The following ST6GALNAC6 variants were observed in gnomAD, a reference collection of about 807,000 sequenced individuals.
ST6GALNAC6 encodes the protein ST6 N-acetylgalactosaminide alpha-2,6-sialyltransferase 6.
In ST6GALNAC6, 19 loss-of-function variants were observed where a neutral mutation model predicts 34.3. That is an observed-to-expected ratio of 0.55 (90% CI 0.39 to 0.81). The LOEUF is 0.81. Among genes scored for constraint, ST6GALNAC6 ranks in the 40% least tolerant of loss-of-function variants. ST6GALNAC6 has a pLI of 0.00. For missense variants in ST6GALNAC6, 377 were observed against 467.7 expected, an observed-to-expected ratio of 0.81 and a Z score of 1.79; for synonymous variants, 185 against 182.1, an observed-to-expected ratio of 1.02 and a Z score of -0.13.
rs1336953074 is a variant in ST6GALNAC6, at chr9:127,885,871, C to T, written c.*728G>A. The T allele has an allele frequency of 6.6e-6, 1 of 152,262 alleles. No individual in the cohort carries two copies. The allele number at this position is 152,262 out of a possible 1,614,324, so 9.4% of individuals were successfully genotyped here. ...GGAGGTGGGGAGGTCACCCCAGACC[C>T]CCCAAAGAGCTGAGCCTTCCAGCAA... On this transcript the variant is annotated 3_prime_UTR_variant, in exon 7 of 7. Transcript: ENST00000373146.
intron 5 of ST6GALNAC6, among the ~76,000 whole-genome samples, chr9:127,889,697 C>T (rs1445782436): frequency 6.6e-6 from 1 of 152,106 alleles, no homozygotes; most frequent in Non-Finnish European, 1.5e-5. Flanking sequence ...TCCACTTCGG[C>T]CTCCCAAAGT....
rs59314952 is a variant in ST6GALNAC6 at position 127,896,886 on chromosome 9, T to G, written c.27-554A>C. On this transcript the variant is annotated intron_variant, in intron 2 of 6. Coordinates refer to ENST00000373146, the MANE Select transcript of ST6GALNAC6 (RefSeq NM_013443.5). ...TGCGGGATACAGCCCACCCAGGTCC[T>G]CACTCAGTTTCCCTGTGCCTCCACA... is the stretch of plus-strand genomic sequence containing the variant. 1,583 of 985,264 alleles carry G rather than the reference T, an allele frequency of 1.6e-3. 25 individuals carry two copies. In the African/African-American group the frequency reaches 0.026, roughly 16 times the overall value. 61.0% of individuals were successfully genotyped at this position (985,264 alleles called of 1,614,324 possible). A position where few individuals can be genotyped will look rare whatever the true frequency, so the allele number is the denominator to read the frequency against.
At position 127,886,730 on chromosome 9, in the gene ST6GALNAC6, C is replaced by A; in HGVS notation, c.871G>T (p.Glu291Ter). ...TCATTCTGGATGTAGGTGACACATT[C>A]GTCCGGCCCCTTGGGCTCGTAGTAG... ...YHYYEPKGPDECVTYIQNEHS... is the reference protein window; with the variant it reads ...YHYYEPKGPD The change falls in exon 7 of 7, where the codon GAA becomes TAA. Residue 291 changes from glutamate (E) to a stop codon, truncating the protein, a stop_gained. Coordinates refer to ENST00000373146, the MANE Select transcript of ST6GALNAC6 (RefSeq NM_013443.5). LOFTEE classifies it high-confidence loss of function. 1 of 1,613,724 alleles carries A rather than the reference C, an allele frequency of 6.2e-7. No homozygotes were observed. The highest frequency in any genetic ancestry group is 8.5e-7 in the Non-Finnish European group (1 of 1,179,716).
chr9:127,900,067 C>T (rs1830695451), upstream of ST6GALNAC6, among the ~76,000 whole-genome samples: 1 of 152,254 alleles, frequency 6.6e-6, no homozygotes, highest in African/African-American at 2.4e-5. Context: ...CATAACTTCC[C>T]TTCTCCCTGC....
chr9:127,891,949 C>G (rs1023951050), intron 4 of ST6GALNAC6, among the ~76,000 whole-genome samples: 4 of 151,888 alleles, frequency 2.6e-5, no homozygotes, highest in African/African-American at 9.7e-5. Flanking sequence ...CTCAGGAGTT[C>G]GAGACCAGCC....
chr9:127,889,365 TCTC>T (rs1829997405), intron 5 of ST6GALNAC6, among the ~76,000 whole-genome samples: 1 of 138,878 alleles, frequency 7.2e-6, no homozygotes, highest in African/African-American at 2.7e-5. Flanking sequence ...AAAAAAAAAA[TCTC>T]CTAGAACCAA....
At chr9:127,888,030 T>C (rs1829888924) in intron 5 of ST6GALNAC6, among the ~76,000 whole-genome samples, 1 of 152,186 alleles carries the variant, frequency 6.6e-6, no homozygotes, top group East Asian at 1.9e-4. Context: ...CCAAGAGCTG[T>C]GCTCACACTA....
Position 127,886,211 on chromosome 9 carries a change from C to G in ST6GALNAC6, c.*388G>C. The G allele has an allele frequency of 2.9e-6, 1 of 339,414 alleles. No individual in the cohort carries two copies. The highest frequency in any genetic ancestry group is 5.3e-6 in the Non-Finnish European group (1 of 189,064). 21.0% of individuals were successfully genotyped at this position (339,414 alleles called of 1,614,324 possible). Reference sequence around the variant, plus strand: ...TGAGGGGGCAACACCAAGTTCCCAGCTCCTTGGGACAGGACCCCATTATCC... The same window carrying G: ...TGAGGGGGCAACACCAAGTTCCCAGGTCCTTGGGACAGGACCCCATTATCC... On this transcript the variant is annotated 3_prime_UTR_variant, in exon 7 of 7. Transcript: ENST00000373146.
chr9:127,905,423 G>A, upstream of ST6GALNAC6: 1 of 985,568 alleles, frequency 1.0e-6, no homozygotes, highest in Non-Finnish European at 1.2e-6. Context: ...CCACCCGAGG[G>A]TAGGGCCAGG....
intron 2 of ST6GALNAC6, chr9:127,897,361 C>T (rs1830529584): frequency 1.0e-6 from 1 of 986,034 alleles, no homozygotes. Context: ...TTCTCTGAGC[C>T]CTTTGACCTA....
chr9:127,893,393 C>T (rs1830262904), intron 4 of ST6GALNAC6, among the ~76,000 whole-genome samples: 1 of 152,174 alleles, frequency 6.6e-6, no homozygotes, highest in Admixed American at 6.5e-5. Flanking sequence ...GTGTGAAAGC[C>T]ACTCTGGGCT....
chr9:127,904,344 G>C (rs1830856512), upstream of ST6GALNAC6: 1 of 152,382 alleles, frequency 6.6e-6, no homozygotes, highest in Non-Finnish European at 1.5e-5. Flanking sequence ...GCCAGTCCTC[G>C]TGGGCCTCCC....
intron 5 of ST6GALNAC6, among the ~76,000 whole-genome samples, chr9:127,889,694 C>A (rs752692372): frequency 1.3e-5 from 2 of 152,116 alleles, no homozygotes; most frequent in Non-Finnish European, 2.9e-5. Context: ...CCGTCCACTT[C>A]GGCCTCCCAA....
At chr9:127,893,574 C>G (rs954498657) in intron 4 of ST6GALNAC6, among the ~76,000 whole-genome samples, 1 of 152,206 alleles carries the variant, frequency 6.6e-6, no homozygotes, top group Non-Finnish European at 1.5e-5. Context: ...CCACGTACCT[C>G]GACTGGCACT....
At chr9:127,887,024 G>A (rs1003267131) in intron 6 of ST6GALNAC6, among the ~76,000 whole-genome samples, 1 of 151,744 alleles carries the variant, frequency 6.6e-6, no homozygotes, top group African/African-American at 2.4e-5. Flanking sequence ...CGGCAGTGTG[G>A]AGCAGTGGTG....
At chr9:127,898,103 C>T in intron 1 of ST6GALNAC6, 93 bp from the exon 2 acceptor site, 1 of 742,722 alleles carries the variant, frequency 1.3e-6, no homozygotes. Flanking sequence ...CTTGAAAGTG[C>T]TCCCACATTG....
intron 1 of ST6GALNAC6, among the ~76,000 whole-genome samples, chr9:127,899,090 T>C (rs1392430449): frequency 6.6e-6 from 1 of 151,982 alleles, no homozygotes; most frequent in Non-Finnish European, 1.5e-5. Flanking sequence ...GGAGGAGGGC[T>C]CCAGGGAGAA....
chr9:127,902,658 G>T (rs1018211454), upstream of ST6GALNAC6, among the ~76,000 whole-genome samples: 3 of 147,046 alleles, frequency 2.0e-5, no homozygotes, highest in Non-Finnish European at 4.5e-5. Flanking sequence ...GCGCGATCTC[G>T]GCTCACTGCA....
intron 1 of ST6GALNAC6, 42 bp downstream of exon 1, chr9:127,899,461 G>T: frequency 2.0e-6 from 1 of 503,102 alleles, no homozygotes; most frequent in Non-Finnish European, 2.5e-6. Context: ...CCCCGCCTCC[G>T]CCCCCGCCCC....
Sources: allele counts gnomAD v4.1 joint callset (sites outside exome capture counted in the v4.1 genomes callset), GRCh38; gene constraint gnomAD v4.1.1; transcripts MANE v1.5; gene names NCBI Gene and HGNC (gene_info 2026-07-23, HGNC 2026-07-21).